The following LPA variants were observed in gnomAD, a reference collection of about 807,000 sequenced individuals.
LPA encodes the protein apolipoprotein(a).
In LPA, 199 loss-of-function variants were observed where a neutral mutation model predicts 197.9. The ratio of observed to expected loss-of-function variants is 1.01; its 90% CI spans 0.90 to 1.13. The LOEUF is 1.13. LPA is among the 50% of genes most tolerant of loss of function. The probability of loss-of-function intolerance (pLI) is 0.00; values close to 1 mark genes in which losing one functional copy is unlikely to be tolerated. For missense variants in LPA, 1,853 were observed against 1,785.8 expected (o/e 1.04, Z -0.68); for synonymous variants, 715 against 639.5 (o/e 1.12, Z -1.78).
Position 160,595,404 on chromosome 6 carries a change from G to T in LPA, c.3419C>A (p.Ala1140Glu). Residue 1140 changes from alanine to glutamate, a missense_variant, in exon 21 of 39, where the codon GCA (alanine) becomes GAA (glutamate). Ala to Glu is a moderately radical substitution (Grantham distance 107). This residue lies in a region of LPA where 1,737 missense variants were observed against 1,504.4 expected (regional missense o/e 1.15). Transcript: ENST00000316300. ...QCLVTESSVL[A>E]TLTVVPDPST... is the part of the protein sequence containing the mutation. Reference sequence around the variant, plus strand: ...TGGATCTGGGACCACCGTGAGAGTTGCAAGGACACTTGATTCTGTCACCAG... The same window carrying T: ...TGGATCTGGGACCACCGTGAGAGTTTCAAGGACACTTGATTCTGTCACCAG... The T allele has an allele frequency of 1.9e-6, 3 of 1,613,852 alleles. No homozygotes were observed. Among genetic ancestry groups the T allele is most frequent in the Non-Finnish European group, 8.5e-7 (1 of 1,179,930 alleles).
intron 26 of LPA, among the ~76,000 whole-genome samples, chr6:160,582,999 A>G (rs1237795235): frequency 6.6e-6 from 1 of 151,834 alleles, no homozygotes; most frequent in Non-Finnish European, 1.5e-5. Flanking sequence ...CATTAAAGAG[A>G]TGTCTTTTTT....
At chr6:160,541,735 A>C (rs1170330052) in intron 34 of LPA, among the ~76,000 whole-genome samples, 1 of 152,212 alleles carries the variant, frequency 6.6e-6, no homozygotes, top group Admixed American at 6.5e-5. Flanking sequence ...TTGGAGCCAG[A>C]TTGCAACGAA....
At position 160,606,663 on chromosome 6, in the gene LPA, A is replaced by G. The variant is rs1276436830; in HGVS notation, c.2604-5T>C. 1 of 1,613,834 alleles carries G rather than the reference A, an allele frequency of 6.2e-7. No homozygotes were observed. The highest frequency in any genetic ancestry group is 8.5e-7 in the Non-Finnish European group (1 of 1,179,908). ...CAGTAGTTCATGATCAAGCCACTGGAAATTCCAAAACGATACACGTCACAA... is the reference window on the plus strand; with the variant it reads ...CAGTAGTTCATGATCAAGCCACTGGGAATTCCAAAACGATACACGTCACAA... On this transcript the variant is annotated splice_polypyrimidine_tract_variant and splice_region_variant and intron_variant, in intron 16 of 38. Transcript: ENST00000316300.
chr6:160,553,637 T>G (rs1778201553), intron 30 of LPA, among the ~76,000 whole-genome samples: 1 of 152,188 alleles, frequency 6.6e-6, no homozygotes, highest in Non-Finnish European at 1.5e-5. Flanking sequence ...ATCCTTGTTA[T>G]CTTTGATGTT....
chr6:160,590,091 A>G (rs1778997102), intron 23 of LPA, among the ~76,000 whole-genome samples: 1 of 152,154 alleles, frequency 6.6e-6, no homozygotes, highest in Non-Finnish European at 1.5e-5. Context: ...GTGGGGGCAG[A>G]CATGAAACCG....
rs1777809925 is a variant in LPA at position 160,531,767 on chromosome 6, A to C, written c.6085T>G (p.Phe2029Val). The change falls in exon 39 of 39, where the codon TTT becomes GTT. Residue 2029 changes from phenylalanine to valine, a missense_variant. Transcript: ENST00000316300. Reference sequence around the variant, plus strand: ...ATCATTCCCTCAATCCAAGTAACAAACCTTGAAACACGAGCATAGACACCA... The same window carrying C: ...ATCATTCCCTCAATCCAAGTAACAACCCTTGAAACACGAGCATAGACACCA... ...KPGVYARVSR[F>V]VTWIEGMMRN... 2.5e-6 allele frequency: 4 copies of C among 1,613,976 alleles called. No individual in the cohort carries two copies. Among genetic ancestry groups the C allele is most frequent in the Non-Finnish European group, 3.4e-6 (4 of 1,179,972 alleles).
At chr6:160,608,235 C>T (rs909167211) in intron 16 of LPA, among the ~76,000 whole-genome samples, 1 of 152,130 alleles carries the variant, frequency 6.6e-6, no homozygotes, top group African/African-American at 2.4e-5. Context: ...CTTTGGGTCA[C>T]CTCTCTTGTT....
At position 160,610,621 on chromosome 6, in the gene LPA, T is replaced by C. The variant is rs1779478128; in HGVS notation, c.2603+941A>G. 3.3e-5 allele frequency among the ~76,000 whole-genome samples: 5 copies of C among 152,156 alleles called. No individual in the cohort carries two copies. In the South Asian group the frequency reaches 8.3e-4, roughly 25 times the overall value. On this transcript the variant is annotated intron_variant, in intron 16 of 38. Transcript: ENST00000316300. ...TGTGAGGCCAACTACTGGAGGAGAC[T>C]TCTATGCGTATTTGTAGAGCTCCTT...
chr6:160,650,962 TG>T (rs758436202), intron 1 of LPA, among the ~76,000 whole-genome samples: 9 of 152,052 alleles, frequency 5.9e-5, no homozygotes, highest in Non-Finnish European at 1.2e-4. Context: ...GGGAGAAAAA[TG>T]GTTTTGCATC....
intron 8 of LPA, among the ~76,000 whole-genome samples, chr6:160,631,426 C>A (rs1298752436): frequency 9.5e-5 from 10 of 105,362 alleles, no homozygotes; most frequent in Non-Finnish European, 1.8e-4. Flanking sequence ...TGCATTTATC[C>A]GACATGGATG....
chr6:160,604,820 TG>T (rs1779312219), intron 18 of LPA, among the ~76,000 whole-genome samples: 1 of 152,196 alleles, frequency 6.6e-6, no homozygotes, highest in Admixed American at 6.5e-5. Context: ...GTGATATCCT[TG>T]CCTCCAGATA....
chr6:160,605,124 A>G lies in LPA; in HGVS notation c.2867T>C (p.Val956Ala). 3 of 1,613,966 alleles carry G rather than the reference A, an allele frequency of 1.9e-6. No individual in the cohort carries two copies. The highest frequency in any genetic ancestry group is 2.5e-6 in the Non-Finnish European group (3 of 1,179,854). Residue 956 changes from valine (V) to alanine (A), a missense_variant, in exon 18 of 39, where the codon GTC becomes GCC. Around this residue, in one of 3 missense-constraint regions of LPA, gnomAD observed 1,737 missense variants for 1,504.4 expected, o/e 1.15. Transcript: ENST00000316300. ...CCAAGCTTGGCAGGTTCTTCCTGTG[A>G]CAGTAATGAAGTATGTGCCTTGATA... ...QSYQGTYFIT[V>A]TGRTCQAWSS...
chr6:160,546,976 G>A (rs1388464272), intron 32 of LPA, among the ~76,000 whole-genome samples: 1 of 152,078 alleles, frequency 6.6e-6, no homozygotes, highest in East Asian at 1.9e-4. Flanking sequence ...GGGCATCTCT[G>A]ACTACTAGAA....
intron 20 of LPA, among the ~76,000 whole-genome samples, chr6:160,596,220 A>C (rs922228364): frequency 6.6e-6 from 1 of 152,126 alleles, no homozygotes; most frequent in Non-Finnish European, 1.5e-5. Flanking sequence ...ATGGTTGTGC[A>C]CCCTCATTGG....
intron 28 of LPA, among the ~76,000 whole-genome samples, chr6:160,570,729 C>A (rs1314857879): frequency 6.6e-6 from 1 of 152,314 alleles, no homozygotes; most frequent in South Asian, 2.1e-4. Context: ...ATGGGGTTCC[C>A]TTTGTGGGTA....
chr6:160,536,888 C>CA (rs1447288740), intron 37 of LPA, among the ~76,000 whole-genome samples: 2 of 152,202 alleles, frequency 1.3e-5, no homozygotes, highest in East Asian at 1.9e-4. Context: ...TTTAAAAACA[C>CA]AAAAAACATT....
chr6:160,568,056 C>T (rs1488214997), intron 28 of LPA, among the ~76,000 whole-genome samples: 1 of 151,978 alleles, frequency 6.6e-6, no homozygotes, highest in East Asian at 1.9e-4. Context: ...AATTCTACCA[C>T]AGATACAAAG....
At chr6:160,595,137 C>T (rs1779105504) in intron 21 of LPA, among the ~76,000 whole-genome samples, 3 of 152,278 alleles carry the variant, frequency 2.0e-5, no homozygotes, top group Middle Eastern at 6.8e-3. Flanking sequence ...AGAGGGTCTG[C>T]ACCCTTCCTA....
intron 33 of LPA, among the ~76,000 whole-genome samples, chr6:160,544,047 C>A (rs1778024758): frequency 6.6e-6 from 1 of 152,228 alleles, no homozygotes; most frequent in African/African-American, 2.4e-5. Context: ...TTTCTCCAAT[C>A]TCTAAGAACC....
Sources: gnomAD v4.1 joint callset for allele counts (sites outside exome capture counted in the v4.1 genomes callset) on GRCh38, gnomAD v4.1.1 for gene constraint, gnomAD v4.1.1 regional missense constraint, MANE v1.5 for transcripts, NCBI Gene and HGNC (gene_info 2026-07-23, HGNC 2026-07-21) for gene names.